The following ADAMTSL1 variants were observed in gnomAD, a reference collection of about 807,000 sequenced individuals.
ADAMTSL1 encodes the protein ADAMTS-like protein 1.
Under a neutral mutation model 201.8 loss-of-function variants are expected in ADAMTSL1, and 126 were observed. The observed-to-expected ratio is 0.62, with a 90% confidence interval of 0.54 to 0.72. The LOEUF is 0.72. Among genes scored for constraint, ADAMTSL1 ranks in the 30% least tolerant of loss-of-function variants. The pLI, the probability that ADAMTSL1 is intolerant of heterozygous loss-of-function variation, is 0.00. For synonymous variants in ADAMTSL1, 1,121 were observed against 903.4 expected (o/e 1.24, Z -4.32); for missense variants, 2,679 against 2,277.8 (o/e 1.18, Z -3.59).
chr9:18,079,821 G>T (rs995388327), intron 1 of ADAMTSL1, among the ~76,000 whole-genome samples: 1 of 152,092 alleles, frequency 6.6e-6, no homozygotes, highest in African/African-American at 2.4e-5. Flanking sequence ...AGTCTTACAG[G>T]CACATGAGGT....
At chr9:18,263,230 G>A in intron 2 of ADAMTSL1, among the ~76,000 whole-genome samples, 1 of 152,200 alleles carries the variant, frequency 6.6e-6, no homozygotes, top group East Asian at 1.9e-4. Flanking sequence ...GAGCAATGAT[G>A]TATTTAGTGC....
intron 23 of ADAMTSL1, among the ~76,000 whole-genome samples, chr9:18,862,207 G>T (rs1827255886): frequency 6.6e-6 from 1 of 152,186 alleles, no homozygotes; most frequent in South Asian, 2.1e-4. Flanking sequence ...ATGGGATGTA[G>T]ACAGGGCTGT....
Position 18,684,701 on chromosome 9 carries a change from G to A in ADAMTSL1, c.1490-15G>A. ...CTAACCTCTTCTTTTGTATGTGCAT[G>A]CACTGAATTCTCAGAGAAACTTCCA... On this transcript the variant is annotated splice_polypyrimidine_tract_variant and intron_variant, in intron 12 of 28. Transcript: ENST00000380548. The A allele has an allele frequency of 6.2e-7, 1 of 1,611,250 alleles. No homozygotes were observed. Among genetic ancestry groups the A allele is most frequent in the Non-Finnish European group, 8.5e-7 (1 of 1,178,912 alleles).
Position 18,642,716 on chromosome 9 carries a change from A to C in ADAMTSL1, c.834+3305A>C, listed in dbSNP as rs369623763. Among the ~76,000 whole-genome samples the C allele has an allele frequency of 8.5e-5, 13 of 152,068 alleles. No homozygotes were observed. The East Asian group carries it at 1.2e-3, about 14-fold the overall frequency. ...TTCTGGGCCTAGCTTATTTCATTTA[A>C]CATAATGTTCTCCAGGTTCATCCAC... On this transcript the variant is annotated intron_variant, in intron 7 of 28. Coordinates refer to ENST00000380548, the MANE Select transcript of ADAMTSL1 (RefSeq NM_001040272.6).
chr9:17,945,507 A>G (rs1827423932), intron 1 of ADAMTSL1, among the ~76,000 whole-genome samples: 1 of 151,866 alleles, frequency 6.6e-6, no homozygotes, highest in African/African-American at 2.4e-5. Context: ...CTGTAAAGAC[A>G]CATGCACACG....
intron 2 of ADAMTSL1, among the ~76,000 whole-genome samples, chr9:18,516,096 AAAAAAG>A (rs1278037822): frequency 2.6e-5 from 4 of 151,704 alleles, no homozygotes; most frequent in Non-Finnish European, 4.4e-5. Context: ...CCAAAAAAAA[AAAAAAG>A]AAAGAAAAAG....
intron 2 of ADAMTSL1, among the ~76,000 whole-genome samples, chr9:18,200,267 C>G (rs955735590): frequency 2.0e-5 from 3 of 151,310 alleles, no homozygotes; most frequent in South Asian, 4.2e-4. Context: ...GACACTATCT[C>G]TATTAAAAAA....
intron 21 of ADAMTSL1, among the ~76,000 whole-genome samples, chr9:18,819,537 T>A (rs1824080279): frequency 1.3e-5 from 2 of 151,540 alleles, no homozygotes. Context: ...GACCAGAATC[T>A]GGTTGAGGAA....
intron 2 of ADAMTSL1, among the ~76,000 whole-genome samples, chr9:18,345,019 G>A (rs1835639039): frequency 6.6e-6 from 1 of 152,084 alleles, no homozygotes; most frequent in Admixed American, 6.6e-5. Flanking sequence ...AAACATGAGA[G>A]TGGCCAGGTG....
intron 1 of ADAMTSL1, among the ~76,000 whole-genome samples, chr9:18,044,534 T>G (rs10810893): frequency 5.1e-4 from 78 of 151,994 alleles, no homozygotes; most frequent in Middle Eastern, 3.4e-3. Flanking sequence ...AATAATCTAC[T>G]CAGATGATTG....
chr9:18,500,961 G>A (rs1822799206), intron 1 of ADAMTSL1, among the ~76,000 whole-genome samples: 1 of 152,186 alleles, frequency 6.6e-6, no homozygotes, highest in Admixed American at 6.5e-5. Flanking sequence ...ATGTTCAATA[G>A]CATCCATAAC....
intron 4 of ADAMTSL1, among the ~76,000 whole-genome samples, chr9:18,594,178 C>T (rs989507005): frequency 2.0e-5 from 3 of 151,928 alleles, no homozygotes; most frequent in Non-Finnish European, 4.4e-5. Flanking sequence ...GCGTTCTGAG[C>T]GTATTTTCCC....
chr9:17,936,573 G>T (rs913323317), intron 1 of ADAMTSL1, among the ~76,000 whole-genome samples: 1 of 152,172 alleles, frequency 6.6e-6, no homozygotes, highest in South Asian at 2.1e-4. Flanking sequence ...GTGAATGTGG[G>T]CAGGGCTGCC....
intron 2 of ADAMTSL1, among the ~76,000 whole-genome samples, chr9:18,309,587 T>C (rs1259802863): frequency 6.6e-6 from 1 of 151,930 alleles, no homozygotes; most frequent in East Asian, 1.9e-4. Context: ...CCATTTAAAA[T>C]TGCTACAAAG....
intron 2 of ADAMTSL1, among the ~76,000 whole-genome samples, chr9:18,181,321 A>G (rs1229781725): frequency 1.3e-5 from 2 of 152,238 alleles, no homozygotes; most frequent in East Asian, 3.8e-4. Flanking sequence ...CTGCACAGCA[A>G]AAGAAATTAC....
In ADAMTSL1 at chr9:18,737,663, G is replaced by A. The variant is rs149449366; in HGVS notation, c.2007-15635G>A. 8.2e-3 allele frequency among the ~76,000 whole-genome samples: 1,256 copies of A among 152,258 alleles called. 25 individuals carry two copies. The highest frequency in any genetic ancestry group is 0.028 in the African/African-American group (1,169 of 41,538). ...TAGAATCTAAAAATTTGACAAATGA[G>A]TCTCCCTTAGTGACTAGGGTTGTAG... On this transcript the variant is annotated intron_variant, in intron 15 of 28. Transcript: ENST00000380548.
chr9:18,090,134 G>A (rs1184003994), intron 1 of ADAMTSL1, among the ~76,000 whole-genome samples: 1 of 152,132 alleles, frequency 6.6e-6, no homozygotes, highest in Non-Finnish European at 1.5e-5. Context: ...GCAAGAATGT[G>A]AAGAAATTGC....
At chr9:18,871,060 A>G (rs1006096009) in intron 23 of ADAMTSL1, among the ~76,000 whole-genome samples, 11 of 152,242 alleles carry the variant, frequency 7.2e-5, no homozygotes, top group African/African-American at 2.4e-4. Context: ...CCTAAATTAT[A>G]TAAAGAGATA....
intron 1 of ADAMTSL1, among the ~76,000 whole-genome samples, chr9:17,961,027 C>T (rs756937502): frequency 7.2e-5 from 11 of 152,122 alleles, no homozygotes; most frequent in Non-Finnish European, 1.3e-4. Flanking sequence ...GTATACCATA[C>T]GTCACTTAAT....
Sources: gnomAD v4.1 joint callset for allele counts (sites outside exome capture counted in the v4.1 genomes callset) on GRCh38, gnomAD v4.1.1 for gene constraint, MANE v1.5 for transcripts, NCBI Gene and HGNC (gene_info 2026-07-23, HGNC 2026-07-21) for gene names.